PKN2: variants seen among roughly 807,000 people sequenced by gnomAD.
PKN2 encodes the protein protein kinase N2, also known as serine/threonine-protein kinase N2.
A neutral mutation model predicts 119.1 loss-of-function variants in PKN2; 38 were observed. The ratio of observed to expected loss-of-function variants is 0.32; its 90% CI spans 0.25 to 0.42. PKN2 has a LOEUF of 0.42. Ranked by LOEUF, PKN2 falls within the 10% of genes least tolerant of loss-of-function variation. The probability of loss-of-function intolerance (pLI) is 1.00; values close to 1 mark genes in which losing one functional copy is unlikely to be tolerated. For synonymous variants in PKN2, 390 were observed against 384.9 expected, an observed-to-expected ratio of 1.01 and a Z score of -0.15; for missense variants, 850 against 1,165.1, an observed-to-expected ratio of 0.73 and a Z score of 3.94.
At chr1:88,698,234 A>G (rs2100658662) in intron 1 of PKN2, among the ~76,000 whole-genome samples, 1 of 152,182 alleles carries the variant, frequency 6.6e-6, no homozygotes, top group East Asian at 1.9e-4. Flanking sequence ...CCATCTTTTT[A>G]AAAGTGGGTC....
At chr1:88,695,153 G>C (rs1176308675) in intron 1 of PKN2, among the ~76,000 whole-genome samples, 1 of 151,990 alleles carries the variant, frequency 6.6e-6, no homozygotes, top group Non-Finnish European at 1.5e-5. Context: ...TGAAATGTCT[G>C]TCAGACGTCT....
chr1:88,807,162 A>G, intron 12 of PKN2, 151 bp from the exon 13 acceptor site: 1 of 595,258 alleles, frequency 1.7e-6, no homozygotes, highest in South Asian at 3.1e-5. Flanking sequence ...AAAAAGAAAA[A>G]AAAATTTTTT....
At position 88,799,626 on chromosome 1, in the gene PKN2, T is replaced by C. The variant is rs115589625; in HGVS notation, c.1282-4765T>C. On this transcript the variant is annotated intron_variant, in intron 8 of 21. Coordinates refer to ENST00000370521, the MANE Select transcript of PKN2 (RefSeq NM_006256.4). ...TCTCCTTCCTTGCCTTGCCTTGCTT[T>C]TCACAACAGCATTCATCTATGGCCA... Among the ~76,000 whole-genome samples the C allele has an allele frequency of 5.1e-3, 771 of 152,320 alleles. 3 individuals are homozygous for C. The highest frequency in any genetic ancestry group is 0.017 in the African/African-American group (726 of 41,564).
At chr1:88,789,390 A>C (rs1670716816) in intron 8 of PKN2, among the ~76,000 whole-genome samples, 1 of 152,122 alleles carries the variant, frequency 6.6e-6, no homozygotes, top group Non-Finnish European at 1.5e-5. Flanking sequence ...AGCCGTGTGC[A>C]GTAGCTTATG....
intron 1 of PKN2, among the ~76,000 whole-genome samples, chr1:88,739,924 T>C (rs1668510617): frequency 6.6e-6 from 1 of 152,116 alleles, no homozygotes; most frequent in South Asian, 2.1e-4. Flanking sequence ...TTGGAGTACT[T>C]AGCCTTGAAG....
chr1:88,733,582 C>G (rs954743345), intron 1 of PKN2, among the ~76,000 whole-genome samples: 1 of 152,056 alleles, frequency 6.6e-6, no homozygotes, highest in African/African-American at 2.4e-5. Flanking sequence ...GGTATTAACC[C>G]TTTATCAGTT....
chr1:88,684,673 GGA>G, intron 1 of PKN2, 45 bp downstream of exon 1: 1 of 1,456,854 alleles, frequency 6.9e-7, no homozygotes, highest in Non-Finnish European at 9.1e-7. Context: ...GAGGAGACAG[GGA>G]GAGAGCCCCG....
In PKN2 at chr1:88,684,331, G is replaced by GCGA; in HGVS notation, c.-248_-246dup. 2.4e-6 allele frequency: 1 copy of GCGA among 422,438 alleles called. No homozygotes were observed. The highest frequency in any genetic ancestry group is 4.2e-6 in the Non-Finnish European group (1 of 237,352). 26.2% of individuals were successfully genotyped at this position (422,438 alleles called of 1,614,324 possible). A position where few individuals can be genotyped will look rare whatever the true frequency, so the allele number is the denominator to read the frequency against. On this transcript the variant is annotated 5_prime_UTR_variant, in exon 1 of 22. Coordinates refer to ENST00000370521, the MANE Select transcript of PKN2 (RefSeq NM_006256.4). ...CGGCTCCTGGCGTCGCCCAGAGGGA[G>GCGA]CGACTAGACGAACAGTCCGGTGAGG...
chr1:88,690,750 A>C (rs1319338452), intron 1 of PKN2, among the ~76,000 whole-genome samples: 6 of 152,166 alleles, frequency 3.9e-5, no homozygotes, highest in Admixed American at 3.9e-4. Flanking sequence ...TTATATACAT[A>C]AATATTGCCT....
At chr1:88,822,463 G>A (rs565184215) in intron 17 of PKN2, among the ~76,000 whole-genome samples, 6 of 152,126 alleles carry the variant, frequency 3.9e-5, no homozygotes, top group East Asian at 1.9e-4. Context: ...TCTGTAATTC[G>A]TGGCCCAGCA....
chr1:88,741,253 C>T lies in PKN2; in HGVS notation c.314C>T (p.Ala105Val). The T allele has an allele frequency of 6.3e-7, 1 of 1,593,762 alleles. No homozygotes were observed. Among genetic ancestry groups the T allele is most frequent in the Non-Finnish European group, 8.5e-7 (1 of 1,173,596 alleles). The change falls in exon 2 of 22, where the codon GCA becomes GTA. Residue 105 changes from alanine to valine, a missense_variant. Ala to Val is a moderately conservative substitution (Grantham distance 64). This residue lies in a region of PKN2 where 350 missense variants were observed against 511.1 expected (regional missense o/e 0.68). Coordinates refer to ENST00000370521, the MANE Select transcript of PKN2 (RefSeq NM_006256.4). ...ELHHKLQELN[A>V]HIVVSDPEDI... ...CATCACAAGCTGCAGGAATTAAATG[C>T]ACATATTGTTGTATCAGATCCAGAA...
At chr1:88,728,210 G>A (rs1345845467) in intron 1 of PKN2, among the ~76,000 whole-genome samples, 2 of 151,914 alleles carry the variant, frequency 1.3e-5, no homozygotes, top group African/African-American at 4.8e-5. Context: ...ATTTATGTGG[G>A]CTGGAGTGAA....
In PKN2 at chr1:88,771,860, C is replaced by T. The variant is rs757331391; in HGVS notation, c.966C>T (p.Ser322=). ...CGCAAAATCAATATAGTACACTATCCAAACCAGCAGCACTAACAGGTATGT... is the reference window on the plus strand; with the variant it reads ...CGCAAAATCAATATAGTACACTATCTAAACCAGCAGCACTAACAGGTATGT... ...ISTQNQYSTL[S]KPAALTGTLE... is the part of the protein sequence containing the mutation. The change falls in exon 6 of 22, where the codon TCC becomes TCT. Residue 322 remains serine, a synonymous_variant. Transcript: ENST00000370521. 1 of 1,612,492 alleles carries T rather than the reference C, an allele frequency of 6.2e-7. No homozygotes were observed. Among genetic ancestry groups the T allele is most frequent in the Non-Finnish European group, 8.5e-7 (1 of 1,178,648 alleles).
intron 1 of PKN2, among the ~76,000 whole-genome samples, chr1:88,721,974 AT>A (rs1262154018): frequency 1.3e-5 from 2 of 152,188 alleles, no homozygotes; most frequent in Non-Finnish European, 2.9e-5. Flanking sequence ...CCTATTCCTC[AT>A]CCCAACTCCA....
intron 2 of PKN2, among the ~76,000 whole-genome samples, chr1:88,748,496 G>A (rs1668860703): frequency 6.6e-6 from 1 of 152,108 alleles, no homozygotes; most frequent in South Asian, 2.1e-4. Flanking sequence ...AAGAACGTTA[G>A]GGTGGTTTTC....
intron 1 of PKN2, among the ~76,000 whole-genome samples, chr1:88,706,872 G>A (rs1011435034): frequency 1.4e-4 from 22 of 152,016 alleles, no homozygotes; most frequent in Non-Finnish European, 2.8e-4. Flanking sequence ...CATTTGTCCA[G>A]ATATCTTCCT....
At chr1:88,758,267 A>G (rs1027168632) in intron 2 of PKN2, among the ~76,000 whole-genome samples, 1 of 152,108 alleles carries the variant, frequency 6.6e-6, no homozygotes, top group Admixed American at 6.6e-5. Context: ...CATGAAATTC[A>G]TCTTTAAATG....
intron 1 of PKN2, among the ~76,000 whole-genome samples, chr1:88,733,653 A>G (rs1173570473): frequency 2.6e-5 from 4 of 152,120 alleles, no homozygotes; most frequent in Non-Finnish European, 1.5e-5. Flanking sequence ...GTTGATTGTT[A>G]CCTTTACTAT....
At chr1:88,811,213 A>G (rs569520175) in intron 15 of PKN2, among the ~76,000 whole-genome samples, 24 of 152,240 alleles carry the variant, frequency 1.6e-4, no homozygotes, top group African/African-American at 5.1e-4. Context: ...TTTCTTACCA[A>G]TTTATATTTC....
Sources: gnomAD v4.1 joint callset for allele counts (sites outside exome capture counted in the v4.1 genomes callset) on GRCh38, gnomAD v4.1.1 for gene constraint, gnomAD v4.1.1 regional missense constraint, MANE v1.5 for transcripts, NCBI Gene and HGNC (gene_info 2026-07-23, HGNC 2026-07-21) for gene names.